Variants in MGAM observed in about 807,000 individuals in gnomAD.
MGAM encodes the protein alpha-1,4-glucosidase.
MGAM carries 253 observed loss-of-function variants against 358.8 expected under a neutral mutation model. The ratio of observed to expected loss-of-function variants is 0.71; its 90% confidence interval spans 0.64 to 0.78. The LOEUF (loss-of-function observed/expected upper bound fraction) is 0.78, where lower values mean the gene tolerates loss of function less well. Among genes scored for constraint, MGAM ranks in the 30% least tolerant of loss-of-function variants. MGAM has a pLI of 0.00. For synonymous variants in MGAM, 1,105 were observed against 1,227.1 expected, an observed-to-expected ratio of 0.90 and a Z score of 2.08; for missense variants, 3,080 against 3,432.6, an observed-to-expected ratio of 0.90 and a Z score of 2.57.
At chr7:142,070,933 G>A in intron 43 of MGAM, 61 bp from the exon 44 acceptor site, 1 of 1,534,068 alleles carries the variant, frequency 6.5e-7, no homozygotes, top group South Asian at 1.1e-5. Flanking sequence ...CTGGCAGGAT[G>A]CATTGTTCAG....
chr7:142,030,717 G>T lies in MGAM; in HGVS notation c.1430G>T (p.Trp477Leu), dbSNP rs1807407050. ...PYDRGSDMKI[W>L]VNSSDGVTPL... ...GACAGGGGTTCAGATATGAAGATATGGGTGAATAGTTCAGATGGAGTGACT... is the reference window on the plus strand; with the variant it reads ...GACAGGGGTTCAGATATGAAGATATTGGTGAATAGTTCAGATGGAGTGACT... Residue 477 changes from tryptophan to leucine, a missense_variant, in exon 12 of 71, where the codon TGG (tryptophan) becomes TTG (leucine). This residue lies in a region of MGAM where 1,816 missense variants were observed against 1,840.5 expected (regional missense o/e 0.99). Coordinates refer to ENST00000475668, the MANE Select transcript of MGAM (RefSeq NM_001365693.1). 6.2e-7 allele frequency: 1 copy of T among 1,612,616 alleles called. No homozygotes were observed. Among genetic ancestry groups the T allele is most frequent in the Admixed American group, 1.7e-5 (1 of 59,970 alleles).
intron 21 of MGAM, among the ~76,000 whole-genome samples, chr7:142,044,475 T>C (rs554468495): frequency 7.3e-6 from 1 of 137,020 alleles, no homozygotes; most frequent in Admixed American, 8.1e-5. Context: ...ATATGATATA[T>C]AATGTATATT....
chr7:142,070,161 C>T (rs1274281802), intron 43 of MGAM, among the ~76,000 whole-genome samples: 1 of 141,678 alleles, frequency 7.1e-6, no homozygotes, highest in African/African-American at 2.5e-5. Flanking sequence ...CCACTGCACT[C>T]CAGCCTGGGT....
At chr7:142,044,181 A>G (rs1809600738) in intron 21 of MGAM, among the ~76,000 whole-genome samples, 1 of 142,686 alleles carries the variant, frequency 7.0e-6, no homozygotes, top group South Asian at 2.1e-4. Context: ...TTATATACAC[A>G]TACGACATAT....
At chr7:142,068,573 C>A in intron 42 of MGAM, 74 bp from the exon 43 acceptor site, 1 of 1,194,514 alleles carries the variant, frequency 8.4e-7, no homozygotes, top group Non-Finnish European at 1.2e-6. Context: ...TATTTCACCT[C>A]TTTCCTAAGC....
chr7:142,006,523 G>C (rs1311077239), intron 2 of MGAM, among the ~76,000 whole-genome samples: 1 of 152,134 alleles, frequency 6.6e-6, no homozygotes, highest in Non-Finnish European at 1.5e-5. Flanking sequence ...CTTTGCTCTT[G>C]ACTGGTCTGC....
At chr7:142,105,253 GT>G (rs1261199749) in intron 70 of MGAM, among the ~76,000 whole-genome samples, 1 of 152,042 alleles carries the variant, frequency 6.6e-6, no homozygotes, top group East Asian at 1.9e-4. Context: ...ATTCTCTCCA[GT>G]TTGTGCAGTT....
chr7:141,989,156 G>A (rs1354858930), intron 2 of MGAM, among the ~76,000 whole-genome samples: 1 of 151,788 alleles, frequency 6.6e-6, no homozygotes, highest in Non-Finnish European at 1.5e-5. Context: ...GAGAGAGAAA[G>A]AGAGTCTTGT....
intron 67 of MGAM, 89 bp from the exon 68 acceptor site, chr7:142,100,713 C>A: frequency 1.8e-6 from 2 of 1,125,164 alleles, no homozygotes; most frequent in Non-Finnish European, 2.6e-6. Context: ...CAAAGCACTT[C>A]CCTTTGCTGC....
intron 11 of MGAM, 54 bp from the exon 12 acceptor site, chr7:142,030,587 T>C (rs1315376805): frequency 6.2e-7 from 1 of 1,604,336 alleles, no homozygotes. Context: ...CCAGTCTCCT[T>C]TCAGTGCCTC....
In MGAM at chr7:142,038,417, G is replaced by A. The variant is rs1038600293; in HGVS notation, c.2232-114G>A. On this transcript the variant is annotated intron_variant, in intron 18 of 70. Coordinates refer to ENST00000475668, the MANE Select transcript of MGAM (RefSeq NM_001365693.1). ...GTAGGTGTCACAGAATAATTTGGGGGGTTTGCCTGGGCAGACGGCCTGCAT... is the reference window on the plus strand; with the variant it reads ...GTAGGTGTCACAGAATAATTTGGGGAGTTTGCCTGGGCAGACGGCCTGCAT... The A allele has an allele frequency of 4.1e-5, 30 of 738,508 alleles. No individual in the cohort carries two copies. The African/African-American group carries it at 4.4e-4, about 11-fold the overall frequency. 45.7% of individuals were successfully genotyped at this position (738,508 alleles called of 1,614,324 possible). A position where few individuals can be genotyped will look rare whatever the true frequency, so the allele number is the denominator to read the frequency against.
At chr7:142,002,079 C>T (rs1261426990) in intron 1 of MGAM, among the ~76,000 whole-genome samples, 1 of 152,088 alleles carries the variant, frequency 6.6e-6, no homozygotes, top group African/African-American at 2.4e-5. Context: ...TTTAGCACCA[C>T]CTTCTCTTCT....
chr7:142,035,078 A>G (rs1399487932), intron 16 of MGAM, among the ~76,000 whole-genome samples: 1 of 152,172 alleles, frequency 6.6e-6, no homozygotes, highest in Non-Finnish European at 1.5e-5. Context: ...TCTTTCTATT[A>G]AAGTGTAACA....
intron 68 of MGAM, among the ~76,000 whole-genome samples, chr7:142,101,422 G>A (rs1408382399): frequency 6.6e-6 from 1 of 150,836 alleles, no homozygotes; most frequent in African/African-American, 2.4e-5. Context: ...ATTGTATCTA[G>A]TAGGCATATG....
rs534468993 is a variant in MGAM, at chr7:142,052,451, C to T, written c.2958+5C>T. ...GCCCGTGGCTGTATCTGGGAGGTAA[C>T]CATGCTGATGGGGTTTGTGTGCATG... On this transcript the variant is annotated splice_donor_5th_base_variant and intron_variant, in intron 25 of 70. Transcript: ENST00000475668. The T allele has an allele frequency of 8.1e-6, 13 of 1,612,964 alleles. 1 individual carries two copies. The South Asian group carries it at 1.3e-4, about 16-fold the overall frequency.
chr7:142,082,342 C>T, intron 51 of MGAM, 132 bp downstream of exon 51: 1 of 1,287,646 alleles, frequency 7.8e-7, no homozygotes, highest in East Asian at 2.5e-5. Flanking sequence ...AATTCTCAGG[C>T]TCCTTTGTTT....
intron 3 of MGAM, among the ~76,000 whole-genome samples, chr7:142,009,827 G>A (rs1378837094): frequency 3.9e-5 from 6 of 152,046 alleles, no homozygotes; most frequent in Non-Finnish European, 8.8e-5. Context: ...TCCTGAGAGC[G>A]GTATGCTGAT....
chr7:142,035,251 ACTC>A (rs1807879705), intron 16 of MGAM, among the ~76,000 whole-genome samples: 1 of 152,068 alleles, frequency 6.6e-6, no homozygotes, highest in Non-Finnish European at 1.5e-5. Flanking sequence ...TATGAATTGA[ACTC>A]CTAGAGTGTT....
upstream of MGAM, among the ~76,000 whole-genome samples, chr7:141,992,305 C>A (rs1388051176): frequency 6.6e-6 from 1 of 152,178 alleles, no homozygotes; most frequent in Admixed American, 6.5e-5. Flanking sequence ...AGTTAATAAG[C>A]AGACCTGGGC....
Sources: gnomAD v4.1 joint callset for allele counts (sites outside exome capture counted in the v4.1 genomes callset) on GRCh38, gnomAD v4.1.1 for gene constraint, gnomAD v4.1.1 regional missense constraint, MANE v1.5 for transcripts, NCBI Gene and HGNC (gene_info 2026-07-23, HGNC 2026-07-21) for gene names.